The following ZYG11B variants were observed in gnomAD, a reference collection of about 807,000 sequenced individuals.
The protein encoded by ZYG11B is protein zyg-11 homolog B.
In ZYG11B, 36 loss-of-function variants were observed where a neutral mutation model predicts 82.4. The ratio of observed to expected loss-of-function variants is 0.44; its 90% confidence interval spans 0.33 to 0.58. The LOEUF is 0.58. Ranked by LOEUF, ZYG11B falls within the 20% of genes least tolerant of loss-of-function variation. The pLI is 0.02. For synonymous variants in ZYG11B, 303 were observed against 312.8 expected, an observed-to-expected ratio of 0.97 and a Z score of 0.33; for missense variants, 552 against 895.6, an observed-to-expected ratio of 0.62 and a Z score of 4.90.
At chr1:52,764,767 G>T (rs1644666480) in intron 2 of ZYG11B, among the ~76,000 whole-genome samples, 1 of 152,108 alleles carries the variant, frequency 6.6e-6, no homozygotes. Context: ...AATAAAGGAA[G>T]GGAGATGTTT....
At chr1:52,788,834 AAC>A (rs1396359083) in intron 5 of ZYG11B, among the ~76,000 whole-genome samples, 1 of 152,224 alleles carries the variant, frequency 6.6e-6, no homozygotes, top group Non-Finnish European at 1.5e-5. Context: ...CAGCTAAAGG[AAC>A]AGGAGGGATG....
intron 1 of ZYG11B, among the ~76,000 whole-genome samples, chr1:52,753,748 C>T (rs547115903): frequency 6.7e-6 from 1 of 149,958 alleles, no homozygotes; most frequent in Admixed American, 6.7e-5. Flanking sequence ...AGGCATGCAC[C>T]ACCACGCCCA....
At chr1:52,796,969 T>TGTATAATTATATATTATATATA in intron 8 of ZYG11B, among the ~76,000 whole-genome samples, 185 bp downstream of exon 8, 1 of 84,684 alleles carries the variant, frequency 1.2e-5, no homozygotes, top group Non-Finnish European at 1.9e-5. Context: ...TTATATATAA[T>TGTATAATTATATATTATATATA]ATATATAAAT....
intron 1 of ZYG11B, among the ~76,000 whole-genome samples, chr1:52,733,518 G>T (rs1051853644): frequency 2.0e-5 from 3 of 151,946 alleles, no homozygotes; most frequent in African/African-American, 7.2e-5. Flanking sequence ...TACACAGAAT[G>T]AAAAAATTAG....
intron 2 of ZYG11B, among the ~76,000 whole-genome samples, chr1:52,762,024 C>G (rs562502939): frequency 6.6e-6 from 1 of 152,126 alleles, no homozygotes; most frequent in African/African-American, 2.4e-5. Flanking sequence ...GTTTAGTTTT[C>G]TGTTGAGCTG....
intron 13 of ZYG11B, among the ~76,000 whole-genome samples, chr1:52,817,814 T>C (rs1645247313): frequency 2.9e-5 from 1 of 35,082 alleles, no homozygotes; most frequent in Non-Finnish European, 4.9e-5. Flanking sequence ...TATATATATA[T>C]ATTTTTTTTT....
rs1299829878 is a variant in ZYG11B, at chr1:52,821,615, G to C, written c.2221G>C (p.Ala741Pro). ...RPPPCKKQPQ[A>P]RLN ...ACCTCCCTGTAAAAAACAGCCCCAA[G>C]CCAGACTAAATTGATAGCCATAAGT... The change falls in exon 14 of 14, where the codon GCC becomes CCC. Residue 741 changes from alanine (A) to proline (P), a missense_variant. By Grantham distance (27) the Ala-to-Pro change is conservative. Coordinates refer to ENST00000294353, the MANE Select transcript of ZYG11B (RefSeq NM_024646.3). 1.2e-6 allele frequency: 2 copies of C among 1,611,218 alleles called. No individual in the cohort carries two copies. Among genetic ancestry groups the C allele is most frequent in the Admixed American group, 1.7e-5 (1 of 58,940 alleles).
At chr1:52,803,261 TATATACACACACACACAC>T (rs1645108148) in intron 10 of ZYG11B, among the ~76,000 whole-genome samples, 8 of 77,004 alleles carry the variant, frequency 1.0e-4, no homozygotes, top group Admixed American at 4.9e-4. Context: ...TATATATATA[TATATACACACACACACAC>T]ATATATATAT....
Position 52,773,439 on chromosome 1 carries a change from A to C in ZYG11B, c.951+1665A>C, listed in dbSNP as rs990294290. On this transcript the variant is annotated intron_variant, in intron 3 of 13. Transcript: ENST00000294353. ...CAGAGAGCCAAGATTGTGCCACTGC[A>C]CTCAAGCCTGGGTGACAGCGTGAGA... Among the ~76,000 whole-genome samples, 14 of 148,936 alleles carry C rather than the reference A, an allele frequency of 9.4e-5. 1 individual carries two copies. Among genetic ancestry groups the C allele is most frequent in the African/African-American group, 3.2e-4 (13 of 40,296 alleles).
Position 52,821,524 on chromosome 1 carries a change from T to C in ZYG11B, c.2130T>C (p.His710=), listed in dbSNP as rs368928161. ...AAGATCATGAACATACTGATCCCCA[T>C]GTCCAACAGATTGCTGTGGCCATTC... ...NIKDHEHTDP[H]VQQIAVAILD... is the part of the protein sequence containing the mutation. Residue 710 remains histidine, a synonymous_variant, in exon 14 of 14, where the codon CAT becomes CAC. Transcript: ENST00000294353. 8 of 1,614,156 alleles carry C rather than the reference T, an allele frequency of 5.0e-6. No homozygotes were observed. The highest frequency in any genetic ancestry group is 1.3e-5 in the African/African-American group (1 of 75,042).
chr1:52,754,099 C>T (rs754714546), intron 1 of ZYG11B, among the ~76,000 whole-genome samples: 99 of 151,618 alleles, frequency 6.5e-4, no homozygotes, highest in Non-Finnish European at 1.2e-3. Context: ...CATCCTGCCT[C>T]ACTGCAACCT....
intron 1 of ZYG11B, among the ~76,000 whole-genome samples, chr1:52,744,496 T>C (rs1032906027): frequency 2.6e-5 from 4 of 152,194 alleles, no homozygotes; most frequent in African/African-American, 7.2e-5. Flanking sequence ...ATTTGACCAT[T>C]GTGATAACAC....
At chr1:52,746,036 C>T (rs1309950874) in intron 1 of ZYG11B, among the ~76,000 whole-genome samples, 1 of 151,808 alleles carries the variant, frequency 6.6e-6, no homozygotes, top group South Asian at 2.1e-4. Flanking sequence ...TCTCGGCTCA[C>T]TGCAACCTCC....
At chr1:52,783,084 G>C (rs527244922) in intron 4 of ZYG11B, among the ~76,000 whole-genome samples, 1 of 151,756 alleles carries the variant, frequency 6.6e-6, no homozygotes, top group Non-Finnish European at 1.5e-5. Flanking sequence ...CTGCCACCAC[G>C]CCCAGCTAAT....
At chr1:52,793,601 A>G (rs756660330) in intron 6 of ZYG11B, among the ~76,000 whole-genome samples, 1 of 152,204 alleles carries the variant, frequency 6.6e-6, no homozygotes, top group African/African-American at 2.4e-5. Context: ...AAAATAATTT[A>G]TTTTATTGTT....
intron 7 of ZYG11B, 29 bp from the exon 8 acceptor site, chr1:52,796,705 C>A: frequency 6.3e-7 from 1 of 1,580,086 alleles, no homozygotes; most frequent in Non-Finnish European, 8.6e-7. Flanking sequence ...AGTTCTTGGA[C>A]ATTGAATTTG....
chr1:52,799,199 A>G (rs1645053550), intron 8 of ZYG11B, among the ~76,000 whole-genome samples: 1 of 152,068 alleles, frequency 6.6e-6, no homozygotes, highest in Non-Finnish European at 1.5e-5. Flanking sequence ...TAAGAATGAA[A>G]AAAATAGGCC....
Position 52,803,075 on chromosome 1 carries a change from TATATATATACAC to T in ZYG11B, c.1695+946_1695+957del, listed in dbSNP as rs1452183733. Among the ~76,000 whole-genome samples the T allele has an allele frequency of 3.2e-3, 242 of 75,442 alleles. 6 individuals carry two copies. The highest frequency in any genetic ancestry group is 0.011 in the African/African-American group (210 of 18,490). 49.5% of individuals were successfully genotyped at this position (75,442 alleles called of 152,430 possible). ...TATTTTTTATTTTTGCCACTATATA[TATATATATACAC>T]ATATATATATACATATATATATATA... On this transcript the variant is annotated intron_variant, in intron 10 of 13. Transcript: ENST00000294353.
intron 2 of ZYG11B, among the ~76,000 whole-genome samples, chr1:52,761,982 T>C (rs929512263): frequency 6.6e-6 from 1 of 152,194 alleles, no homozygotes; most frequent in Non-Finnish European, 1.5e-5. Flanking sequence ...GAAATATCTA[T>C]TCAGGTCATT....
Sources: gnomAD v4.1 joint callset for allele counts (sites outside exome capture counted in the v4.1 genomes callset) on GRCh38, gnomAD v4.1.1 for gene constraint, MANE v1.5 for transcripts, NCBI Gene and HGNC (gene_info 2026-07-23, HGNC 2026-07-21) for gene names.